The following RAB28 variants were observed in gnomAD, a reference collection of about 807,000 sequenced individuals.
The protein encoded by RAB28 is ras-related protein Rab-28.
A neutral mutation model predicts 31.7 loss-of-function variants in RAB28; 24 were observed. That is an observed-to-expected ratio of 0.76 (90% CI 0.55 to 1.06). The LOEUF (loss-of-function observed/expected upper bound fraction) is 1.06. RAB28 is among the 50% of genes least tolerant of loss of function. RAB28 has a pLI of 0.00. For synonymous variants in RAB28, 100 were observed against 90.4 expected (o/e 1.11, Z -0.60); for missense variants, 254 against 258.5 (o/e 0.98, Z 0.12).
chr4:13,426,830 A>G (rs548955420), intron 4 of RAB28, among the ~76,000 whole-genome samples: 3 of 152,300 alleles, frequency 2.0e-5, no homozygotes, highest in African/African-American at 7.2e-5. Flanking sequence ...AGTGTTGGTA[A>G]CCTTTACTCT....
At chr4:13,481,293 G>A (rs1352572970) in intron 1 of RAB28, among the ~76,000 whole-genome samples, 1 of 151,978 alleles carries the variant, frequency 6.6e-6, no homozygotes, top group Non-Finnish European at 1.5e-5. Context: ...AACATACAGA[G>A]TATTAAAGTA....
At chr4:13,391,983 C>A (rs1729654210) in intron 4 of RAB28, among the ~76,000 whole-genome samples, 1 of 151,952 alleles carries the variant, frequency 6.6e-6, no homozygotes, top group Admixed American at 6.6e-5. Context: ...TTAGGAATTT[C>A]ATTACATTAG....
intron 4 of RAB28, among the ~76,000 whole-genome samples, chr4:13,454,297 C>CTTAAGA (rs56801775): frequency 0.093 from 14,174 of 151,920 alleles, 1,267 homozygotes; most frequent in African/African-American, 0.24. Context: ...ACTGACTTTC[C>CTTAAGA]TTATTATTCT....
rs1007611596 is a variant in RAB28, at chr4:13,371,057, G to C, written c.574-2407C>G. ...TAGCATCTATTAATTTATTAAGATAGAAAAGCATCTTAATATGAGCTGCTG... is the reference window on the plus strand; with the variant it reads ...TAGCATCTATTAATTTATTAAGATACAAAAGCATCTTAATATGAGCTGCTG... On this transcript the variant is annotated intron_variant, in intron 6 of 6. Transcript: ENST00000330852. 3 of 982,342 alleles carry C rather than the reference G, an allele frequency of 3.1e-6. No individual in the cohort carries two copies. In the African/African-American group the frequency reaches 5.3e-5, roughly 17 times the overall value. The allele number at this position is 982,342 out of a possible 1,614,324, so 60.9% of individuals were successfully genotyped here. A position where few individuals can be genotyped will look rare whatever the true frequency, so the allele number is the denominator to read the frequency against.
chr4:13,386,040 T>C (rs1729353548), intron 4 of RAB28, among the ~76,000 whole-genome samples: 1 of 152,062 alleles, frequency 6.6e-6, no homozygotes, highest in Non-Finnish European at 1.5e-5. Flanking sequence ...AAAAACCTTC[T>C]ACAGAGCAAA....
At chr4:13,426,996 T>C (rs1036454857) in intron 4 of RAB28, among the ~76,000 whole-genome samples, 18 of 152,302 alleles carry the variant, frequency 1.2e-4, no homozygotes, top group African/African-American at 4.1e-4. Context: ...CATCCTCCTC[T>C]ACCTCCTTAT....
At chr4:13,375,138 G>C (rs1433757002) in intron 6 of RAB28, among the ~76,000 whole-genome samples, 1 of 152,050 alleles carries the variant, frequency 6.6e-6, no homozygotes, top group African/African-American at 2.4e-5. Flanking sequence ...AGAGACCTGG[G>C]TGCAAATTCT....
chr4:13,371,490 T>G (rs1728711344), intron 6 of RAB28: 1 of 985,334 alleles, frequency 1.0e-6, no homozygotes, highest in Non-Finnish European at 1.2e-6. Context: ...TCAAAACATT[T>G]TGGTCCAAGT....
intron 4 of RAB28, among the ~76,000 whole-genome samples, chr4:13,435,810 T>C (rs532240275): frequency 4.2e-4 from 64 of 152,282 alleles, no homozygotes; most frequent in South Asian, 3.3e-3. Context: ...GAAGAGCTGG[T>C]ACCAATCTTA....
intron 4 of RAB28, among the ~76,000 whole-genome samples, chr4:13,389,515 T>A (rs1051950467): frequency 6.6e-6 from 1 of 152,058 alleles, no homozygotes; most frequent in African/African-American, 2.4e-5. Flanking sequence ...AATCCACCAC[T>A]CTGAAATACT....
rs138293387 is a variant in RAB28, at chr4:13,376,448, T to A, written c.573+97A>T. On this transcript the variant is annotated intron_variant, in intron 6 of 6. Transcript: ENST00000330852. ...TATTCCCAAAGCTTTTAGAGATACGTACACAGAAGGCATAAATGGGAAAGA... is the reference window on the plus strand; with the variant it reads ...TATTCCCAAAGCTTTTAGAGATACGAACACAGAAGGCATAAATGGGAAAGA... The A allele has an allele frequency of 1.3e-3, 1,037 of 773,190 alleles. 7 individuals carry two copies. In the African/African-American group the frequency reaches 0.016, roughly 12 times the overall value. 47.9% of individuals were successfully genotyped at this position (773,190 alleles called of 1,614,324 possible).
Position 13,479,439 on chromosome 4 carries a change from T to C in RAB28, c.163A>G (p.Thr55Ala), listed in dbSNP as rs1716510254. Residue 55 changes from threonine to alanine, a missense_variant, in exon 2 of 7, where the codon ACA becomes GCA. Thr to Ala is a moderately conservative substitution (Grantham distance 58, BLOSUM62 0). Transcript: ENST00000330852. ...CTTTTTAGTCTCTTACCTGGCAATG[T>C]TATCCTTCTCAAAAAGAAATCCAGT... Reference protein sequence around the residue: ...IGLDFFLRRITLPGNLNVTLQ... With the variant: ...IGLDFFLRRIALPGNLNVTLQ... 6.3e-7 allele frequency: 1 copy of C among 1,598,692 alleles called. No homozygotes were observed. Among genetic ancestry groups the C allele is most frequent in the Non-Finnish European group, 8.6e-7 (1 of 1,168,076 alleles).
rs548955759 is a variant in RAB28 at position 13,368,496 on chromosome 4, G to C, written c.*62C>G. ...TCACTGATAAAACAAGTTCCTAGAA[G>C]TCCTCGGGCCCACCCAGAGGTGAAG... On this transcript the variant is annotated 3_prime_UTR_variant, in exon 7 of 7. Transcript: ENST00000330852. The C allele has an allele frequency of 8.1e-4, 1,249 of 1,541,570 alleles. 2 individuals are homozygous for C. Among genetic ancestry groups the C allele is most frequent in the Non-Finnish European group, 1.0e-3 (1,191 of 1,150,908 alleles).
At chr4:13,467,270 ACT>A (rs1466597354) in intron 3 of RAB28, among the ~76,000 whole-genome samples, 3 of 151,768 alleles carry the variant, frequency 2.0e-5, no homozygotes, top group African/African-American at 7.3e-5. Flanking sequence ...TCATAACATC[ACT>A]CTGTACTCCA....
At chr4:13,445,200 T>C (rs1714633734) in intron 4 of RAB28, among the ~76,000 whole-genome samples, 1 of 151,962 alleles carries the variant, frequency 6.6e-6, no homozygotes, top group African/African-American at 2.4e-5. Flanking sequence ...CTTCACGAAG[T>C]TCTCATGCTG....
chr4:13,427,097 A>G (rs1308873160), intron 4 of RAB28, among the ~76,000 whole-genome samples: 1 of 152,198 alleles, frequency 6.6e-6, no homozygotes, highest in African/African-American at 2.4e-5. Flanking sequence ...TGATATTTTA[A>G]AGCAAACTTT....
intron 4 of RAB28, among the ~76,000 whole-genome samples, chr4:13,454,356 T>C (rs1715172016): frequency 1.3e-5 from 2 of 152,234 alleles, no homozygotes. Flanking sequence ...TAAAGTCTAT[T>C]ACTGAAGTAT....
chr4:13,481,310 T>C (rs1009876535), intron 1 of RAB28, among the ~76,000 whole-genome samples: 4 of 152,032 alleles, frequency 2.6e-5, no homozygotes, highest in African/African-American at 7.2e-5. Context: ...AGTAAGTTCT[T>C]ACTATATCAT....
chr4:13,430,899 A>G (rs1713772599), intron 4 of RAB28, among the ~76,000 whole-genome samples: 1 of 152,192 alleles, frequency 6.6e-6, no homozygotes, highest in African/African-American at 2.4e-5. Flanking sequence ...CGGGTGCAGC[A>G]CCAACCACTG....
Sources: gnomAD v4.1 joint callset for allele counts (sites outside exome capture counted in the v4.1 genomes callset) on GRCh38, gnomAD v4.1.1 for gene constraint, MANE v1.5 for transcripts, NCBI Gene and HGNC (gene_info 2026-07-23, HGNC 2026-07-21) for gene names.